The following DLG1 variants were observed in gnomAD, a reference collection of about 807,000 sequenced individuals.
DLG1 encodes the protein disks large homolog 1.
DLG1 carries 42 observed loss-of-function variants against 123.4 expected under a neutral mutation model. That is an observed-to-expected ratio of 0.34 (90% confidence interval 0.27 to 0.44). The LOEUF is 0.44. Among genes scored for constraint, DLG1 ranks in the 20% least tolerant of loss-of-function variants. The pLI is 1.00. For missense variants in DLG1, 942 were observed against 1,082.6 expected (o/e 0.87, Z 1.82); for synonymous variants, 317 against 356.2 (o/e 0.89, Z 1.24).
intron 14 of DLG1, among the ~76,000 whole-genome samples, chr3:197,099,676 G>T (rs184231846): frequency 1.3e-5 from 2 of 152,180 alleles, no homozygotes; most frequent in East Asian, 3.9e-4. Context: ...GTGAGGAAGG[G>T]GTATGGGGGA....
intron 5 of DLG1, among the ~76,000 whole-genome samples, chr3:197,177,594 G>C (rs190867591): frequency 6.6e-6 from 1 of 152,236 alleles, no homozygotes; most frequent in African/African-American, 2.4e-5. Context: ...GTGAATTTCA[G>C]ACCTGTTGCC....
chr3:197,124,271 C>T (rs1777884142), intron 11 of DLG1, among the ~76,000 whole-genome samples: 4 of 152,092 alleles, frequency 2.6e-5, no homozygotes, highest in Non-Finnish European at 5.9e-5. Context: ...CATTTCTTTA[C>T]TGGGTATGTT....
At chr3:197,148,813 AAAT>A (rs1411224020) in intron 6 of DLG1, among the ~76,000 whole-genome samples, 2 of 152,176 alleles carry the variant, frequency 1.3e-5, no homozygotes, top group Non-Finnish European at 2.9e-5. Context: ...AAAAATATAA[AAAT>A]AATGGTTTTT....
chr3:197,198,920 G>A (rs1724096137), intron 4 of DLG1, among the ~76,000 whole-genome samples: 1 of 152,144 alleles, frequency 6.6e-6, no homozygotes, highest in African/African-American at 2.4e-5. Context: ...ACTCAAGAGG[G>A]AGAAATGATG....
intron 4 of DLG1, among the ~76,000 whole-genome samples, chr3:197,259,160 A>G (rs1758212639): frequency 6.6e-6 from 1 of 152,174 alleles, no homozygotes; most frequent in African/African-American, 2.4e-5. Flanking sequence ...AACCATGAAA[A>G]AAATTTAGAG....
intron 24 of DLG1, among the ~76,000 whole-genome samples, chr3:197,050,228 G>A (rs1726430721): frequency 2.0e-5 from 3 of 151,926 alleles, no homozygotes; most frequent in South Asian, 2.1e-4. Context: ...TTAGCTGGGC[G>A]TGGTGGCAGC....
At chr3:197,046,463 TAC>T (rs573525847) in intron 24 of DLG1, among the ~76,000 whole-genome samples, 69 of 152,326 alleles carry the variant, frequency 4.5e-4, no homozygotes, top group Middle Eastern at 6.8e-3. Flanking sequence ...CCTTGCATGA[TAC>T]ACAGAGGACA....
intron 23 of DLG1, among the ~76,000 whole-genome samples, chr3:197,057,765 T>G (rs1732798011): frequency 6.6e-6 from 1 of 152,206 alleles, no homozygotes; most frequent in African/African-American, 2.4e-5. Context: ...CTCTTTGGTG[T>G]CTGCTGCATG....
chr3:197,101,281 G>A (rs542320448), intron 14 of DLG1, among the ~76,000 whole-genome samples: 7 of 152,240 alleles, frequency 4.6e-5, no homozygotes, highest in Admixed American at 2.6e-4. Flanking sequence ...CGGGGATAAC[G>A]GTGCTTACTT....
At chr3:197,119,682 T>C in intron 11 of DLG1, 152 bp from the exon 12 acceptor site, 1 of 749,926 alleles carries the variant, frequency 1.3e-6, no homozygotes, top group Non-Finnish European at 1.9e-6. Context: ...AACTGGACAT[T>C]ATGTTGCCCA....
At chr3:197,179,999 C>G (rs192394821) in intron 5 of DLG1, among the ~76,000 whole-genome samples, 5 of 138,900 alleles carry the variant, frequency 3.6e-5, no homozygotes, top group Admixed American at 3.2e-4. Flanking sequence ...GTTTTCATGT[C>G]TGTTCCATAT....
intron 4 of DLG1, among the ~76,000 whole-genome samples, chr3:197,199,545 T>A (rs1381545983): frequency 1.3e-5 from 2 of 152,102 alleles, no homozygotes; most frequent in Admixed American, 1.3e-4. Context: ...AATTCCAAAA[T>A]CCGAAACGCT....
chr3:197,174,431 T>C lies in DLG1; in HGVS notation c.483+19994A>G, dbSNP rs117240898. On this transcript the variant is annotated intron_variant, in intron 5 of 24. Transcript: ENST00000667157. ...AAAATATCTTTAATTAAAAAGTCTATATAATAAAGCTGTGCTCTTACAACT... is the reference window on the plus strand; with the variant it reads ...AAAATATCTTTAATTAAAAAGTCTACATAATAAAGCTGTGCTCTTACAACT... 4.1e-3 allele frequency among the ~76,000 whole-genome samples: 623 copies of C among 152,294 alleles called. 11 individuals carry two copies. The East Asian group carries it at 0.065, about 16-fold the overall frequency.
intron 14 of DLG1, among the ~76,000 whole-genome samples, chr3:197,097,689 T>G (rs1171087211): frequency 7.9e-5 from 12 of 151,420 alleles, no homozygotes. Context: ...CAAGTGATTC[T>G]CCTGCCTCAG....
intron 13 of DLG1, among the ~76,000 whole-genome samples, chr3:197,114,486 T>C (rs987830907): frequency 1.3e-5 from 2 of 152,078 alleles, no homozygotes; most frequent in African/African-American, 4.8e-5. Flanking sequence ...TAATTCTAGA[T>C]TGAACTAACT....
rs145114895 is a variant in DLG1, at chr3:197,128,658, T to C, written c.1165+1869A>G. On this transcript the variant is annotated intron_variant, in intron 11 of 24. Transcript: ENST00000667157. ...ACTACCTATGACAGCTATAGCTTTA[T>C]AAAATGTATTTCTTAAATAGTAAGA... 9.7e-3 allele frequency among the ~76,000 whole-genome samples: 1,480 copies of C among 152,318 alleles called. 17 individuals are homozygous for C. Among genetic ancestry groups the C allele is most frequent in the African/African-American group, 0.023 (959 of 41,570 alleles).
chr3:197,049,842 T>G (rs1418689945), intron 24 of DLG1, among the ~76,000 whole-genome samples: 1 of 152,076 alleles, frequency 6.6e-6, no homozygotes, highest in Non-Finnish European at 1.5e-5. Context: ...GAAGAACGAT[T>G]GCTTGAGCCT....
intron 5 of DLG1, among the ~76,000 whole-genome samples, chr3:197,171,240 G>C (rs1804037253): frequency 6.6e-6 from 1 of 152,134 alleles, no homozygotes; most frequent in African/African-American, 2.4e-5. Context: ...TAAAAACTCT[G>C]CTTAGGAATC....
chr3:197,216,445 C>T (rs1039617622), intron 4 of DLG1, among the ~76,000 whole-genome samples: 10 of 152,158 alleles, frequency 6.6e-5, no homozygotes, highest in Non-Finnish European at 1.0e-4. Flanking sequence ...AGAAAAAAGG[C>T]ACATGGGGCA....
Sources: gnomAD v4.1 joint callset for allele counts (sites outside exome capture counted in the v4.1 genomes callset) on GRCh38, gnomAD v4.1.1 for gene constraint, MANE v1.5 for transcripts, NCBI Gene and HGNC (gene_info 2026-07-23, HGNC 2026-07-21) for gene names.